INPP5A: variants seen among roughly 807,000 people sequenced by gnomAD.
INPP5A encodes 43 kDa inositol polyphosphate 5-phophatase.
In INPP5A, 14 loss-of-function variants were observed where a neutral mutation model predicts 65.2. That is an observed-to-expected ratio of 0.21 (90% CI 0.14 to 0.34). The LOEUF (loss-of-function observed/expected upper bound fraction) is 0.34. INPP5A is among the 10% of genes least tolerant of loss of function. The pLI, the probability that INPP5A is intolerant of heterozygous loss-of-function variation, is 1.00. For synonymous variants in INPP5A, 207 were observed against 208.3 expected (o/e 0.99, Z 0.05); for missense variants, 431 against 545.6 (o/e 0.79, Z 2.09).
chr10:132,704,508 A>G lies in INPP5A; in HGVS notation c.475-3805A>G, dbSNP rs1590939254. 6.6e-6 allele frequency among the ~76,000 whole-genome samples: 1 copy of G among 152,072 alleles called. No homozygotes were observed. Among genetic ancestry groups the G allele is most frequent in the African/African-American group, 2.4e-5 (1 of 41,384 alleles). ...GCGGCGGCTGCTGGTGCGCAGAGCCACCCCTCGCAGCCCGCCGGCAACATG... is the reference window on the plus strand; with the variant it reads ...GCGGCGGCTGCTGGTGCGCAGAGCCGCCCCTCGCAGCCCGCCGGCAACATG... On this transcript the variant is annotated intron_variant, in intron 6 of 15. Transcript: ENST00000368594. The surrounding 1 kb of genome is among the most constrained non-coding windows in gnomAD (Gnocchi z 4.5).
Position 132,645,916 on chromosome 10 carries a change from T to G in INPP5A, c.166T>G (p.Phe56Val). The G allele has an allele frequency of 6.2e-7, 1 of 1,613,638 alleles. No homozygotes were observed. Among genetic ancestry groups the G allele is most frequent in the East Asian group, 2.2e-5 (1 of 44,854 alleles). The change falls in exon 3 of 16, where the codon TTT becomes GTT. Residue 56 changes from phenylalanine (F) to valine (V), a missense_variant. Physicochemically the swap from Phe to Val is conservative, Grantham distance 50. Transcript: ENST00000368594. ...PHFMALHCQEFGGKNYEASMS... is the reference protein window; with the variant it reads ...PHFMALHCQEVGGKNYEASMS... Reference sequence around the variant, plus strand: ...CTTCATGGCCTTGCACTGTCAGGAGTTTGGAGGGAAGAACTACGAGGCCTC... The same window carrying G: ...CTTCATGGCCTTGCACTGTCAGGAGGTTGGAGGGAAGAACTACGAGGCCTC...
chr10:132,624,626 G>A (rs1003641609), intron 2 of INPP5A, among the ~76,000 whole-genome samples: 6 of 152,208 alleles, frequency 3.9e-5, no homozygotes, highest in South Asian at 2.1e-4. Context: ...CCTGTTTGGT[G>A]CCTGGCATGT....
At chr10:132,641,393 G>A (rs953659862) in intron 2 of INPP5A, among the ~76,000 whole-genome samples, 2 of 152,224 alleles carry the variant, frequency 1.3e-5, no homozygotes, top group African/African-American at 4.8e-5. Flanking sequence ...CCTAGATGGA[G>A]TTTATAATAT....
rs901537816 is a variant in INPP5A at position 132,546,537 on chromosome 10, G to A, written c.75+8366G>A. Among the ~76,000 whole-genome samples, 10 of 152,116 alleles carry A rather than the reference G, an allele frequency of 6.6e-5. No homozygotes were observed. The highest frequency in any genetic ancestry group is 8.8e-5 in the Non-Finnish European group (6 of 68,002). ...CAGCTGGTTGCTGTGTCGGGGGGCC[G>A]TGCTCCCCCTTCTCTCTTGGAAGGT... is the stretch of plus-strand genomic sequence containing the variant. On this transcript the variant is annotated intron_variant, in intron 1 of 15. Transcript: ENST00000368594. This position sits in a 1 kb window ranked among gnomAD's most constrained non-coding sequence, Gnocchi z 5.7.
chr10:132,775,274 G>C (rs959560441), intron 12 of INPP5A, among the ~76,000 whole-genome samples: 1 of 151,712 alleles, frequency 6.6e-6, no homozygotes, highest in Non-Finnish European at 1.5e-5. Context: ...ACGATTGTTC[G>C]CCCTATCACA....
At position 132,678,313 on chromosome 10, in the gene INPP5A, C is replaced by T. The variant is rs1458954261; in HGVS notation, c.307-12079C>T. Among the ~76,000 whole-genome samples the T allele has an allele frequency of 6.6e-6, 1 of 152,214 alleles. No individual in the cohort carries two copies. Among genetic ancestry groups the T allele is most frequent in the African/African-American group, 2.4e-5 (1 of 41,460 alleles). ...ACAGGAAAAGATCAATGAAGCGCTA[C>T]ATTGATTTAAACAAAAGCTTTGTTT... On this transcript the variant is annotated intron_variant, in intron 4 of 15. Coordinates refer to ENST00000368594, the MANE Select transcript of INPP5A (RefSeq NM_005539.5). This position sits in a 1 kb window ranked among gnomAD's most constrained non-coding sequence, Gnocchi z 4.1.
intron 4 of INPP5A, among the ~76,000 whole-genome samples, chr10:132,680,496 C>CT (rs1287461818): frequency 2.0e-5 from 3 of 152,276 alleles, no homozygotes; most frequent in African/African-American, 7.2e-5. Flanking sequence ...TGACAGCGTG[C>CT]TGGCAGTCCT....
At chr10:132,539,439 C>T (rs775685366) in intron 1 of INPP5A, among the ~76,000 whole-genome samples, 21 of 152,140 alleles carry the variant, frequency 1.4e-4, no homozygotes, top group Non-Finnish European at 2.6e-4. Flanking sequence ...TGGCCTTTAC[C>T]TTCTAGGGCC....
intron 4 of INPP5A, among the ~76,000 whole-genome samples, chr10:132,680,094 A>G (rs1221644444): frequency 6.6e-6 from 1 of 152,254 alleles, no homozygotes; most frequent in Non-Finnish European, 1.5e-5. Flanking sequence ...AAGAAAAAAG[A>G]GACAAATTGG....
chr10:132,748,933 C>T (rs1345302379), intron 9 of INPP5A, among the ~76,000 whole-genome samples: 4 of 152,242 alleles, frequency 2.6e-5, no homozygotes, highest in Non-Finnish European at 5.9e-5. Context: ...TCCTGTCCAC[C>T]TGCCTCTGGG....
At chr10:132,615,611 A>G (rs2072021289) in intron 2 of INPP5A, among the ~76,000 whole-genome samples, 2 of 152,196 alleles carry the variant, frequency 1.3e-5, no homozygotes, top group African/African-American at 4.8e-5. Flanking sequence ...TTGCGGCTGC[A>G]TTTCTGCCCC....
chr10:132,726,590 A>T (rs1238090081), intron 8 of INPP5A, among the ~76,000 whole-genome samples: 2 of 152,090 alleles, frequency 1.3e-5, no homozygotes, highest in African/African-American at 4.8e-5. Context: ...TGTCGCTGGC[A>T]ACAGATGCGT....
At chr10:132,665,315 C>T (rs985926063) in intron 4 of INPP5A, among the ~76,000 whole-genome samples, 12 of 152,248 alleles carry the variant, frequency 7.9e-5, no homozygotes, top group African/African-American at 1.4e-4. Context: ...TTCACAGAAA[C>T]GCCCTTCCTA....
In INPP5A at chr10:132,616,545, CGTG is replaced by C. The variant is rs985448244; in HGVS notation, c.117+8596_117+8598del. Among the ~76,000 whole-genome samples, 19 of 151,568 alleles carry C rather than the reference CGTG, an allele frequency of 1.3e-4. No individual in the cohort carries two copies. The highest frequency in any genetic ancestry group is 3.9e-4 in the African/African-American group (16 of 41,310). On this transcript the variant is annotated intron_variant, in intron 2 of 15. Transcript: ENST00000368594. This position sits in a 1 kb window ranked among gnomAD's most constrained non-coding sequence, Gnocchi z 4.9. Reference sequence around the variant, plus strand: ...GTCACATGGGACATGGTGTATGGGACGTGGTGGTGACATAGTGTGTGTTGGTGA... The same window carrying C: ...GTCACATGGGACATGGTGTATGGGACGTGGTGACATAGTGTGTGTTGGTGA...
intron 4 of INPP5A, among the ~76,000 whole-genome samples, chr10:132,677,980 T>A (rs912223500): frequency 6.6e-6 from 1 of 152,212 alleles, no homozygotes; most frequent in African/African-American, 2.4e-5. Flanking sequence ...GCGTCAGCTG[T>A]CGAACAGGAG....
intron 8 of INPP5A, among the ~76,000 whole-genome samples, chr10:132,725,442 C>T (rs557299038): frequency 2.2e-4 from 33 of 152,330 alleles, no homozygotes; most frequent in African/African-American, 7.2e-4. Flanking sequence ...GCGGTGGCGG[C>T]GGGGCAACGC....
intron 2 of INPP5A, among the ~76,000 whole-genome samples, chr10:132,612,756 GTTACATT>G: frequency 6.6e-6 from 1 of 152,208 alleles, no homozygotes; most frequent in East Asian, 1.9e-4. Flanking sequence ...CCTGGTTTGT[GTTACATT>G]TTGGCAGCAA....
chr10:132,578,523 G>T (rs1344620855), intron 1 of INPP5A, among the ~76,000 whole-genome samples: 1 of 147,878 alleles, frequency 6.8e-6, no homozygotes, highest in Non-Finnish European at 1.5e-5. Flanking sequence ...AGGAGAGTGT[G>T]CGGGGAGTCT....
chr10:132,710,356 A>G lies in INPP5A; in HGVS notation c.547A>G (p.Ile183Val), dbSNP rs1314055430. The change falls in exon 8 of 16, where the codon ATC becomes GTC. Residue 183 changes from isoleucine (I) to valine (V), a missense_variant. Coordinates refer to ENST00000368594, the MANE Select transcript of INPP5A (RefSeq NM_005539.5). ...TTGCAGTGCCTTTGACTTGGTGAATATCCATCTTTTCCATGATGCTTCCAA... is the reference window on the plus strand; with the variant it reads ...TTGCAGTGCCTTTGACTTGGTGAATGTCCATCTTTTCCATGATGCTTCCAA... ...IADCAFDLVN[I>V]HLFHDASNLV... 6.2e-7 allele frequency: 1 copy of G among 1,614,056 alleles called. No individual in the cohort carries two copies. Among genetic ancestry groups the G allele is most frequent in the African/African-American group, 1.3e-5 (1 of 74,952 alleles).
Sources: gnomAD v4.1 joint callset for allele counts (sites outside exome capture counted in the v4.1 genomes callset) on GRCh38, gnomAD v4.1.1 for gene constraint, Gnocchi (gnomAD v3.1) non-coding constraint, MANE v1.5 for transcripts, NCBI Gene and HGNC (gene_info 2026-07-23, HGNC 2026-07-21) for gene names.